Variants in CDH7 observed in about 807,000 individuals in gnomAD.
CDH7 encodes cadherin-7.
In CDH7, 25 loss-of-function variants were observed where a neutral mutation model predicts 71.8. The observed-to-expected ratio is 0.35, with a 90% CI of 0.25 to 0.49. The LOEUF (loss-of-function observed/expected upper bound fraction) is 0.49. CDH7 is among the 20% of genes least tolerant of loss of function. The pLI, the probability that CDH7 is intolerant of heterozygous loss-of-function variation, is 0.99. For synonymous variants in CDH7, 381 were observed against 363.8 expected, an observed-to-expected ratio of 1.05 and a Z score of -0.54; for missense variants, 862 against 974.6, an observed-to-expected ratio of 0.88 and a Z score of 1.54.
Position 65,887,684 on chromosome 18 carries a change from A to G in CDH7, c.*6790A>G, listed in dbSNP as rs985870658. The G allele has an allele frequency of 6.6e-6, 1 of 152,080 alleles. No individual in the cohort carries two copies. Among genetic ancestry groups the G allele is most frequent in the Non-Finnish European group, 1.5e-5 (1 of 68,030 alleles). 9.4% of individuals were successfully genotyped at this position (152,080 alleles called of 1,614,324 possible). Reference sequence around the variant, plus strand: ...GAGGCGAAATGTTGAAGTAAAGTAAATGACTTTTAAATATTTTCTTTTTAG... The same window carrying G: ...GAGGCGAAATGTTGAAGTAAAGTAAGTGACTTTTAAATATTTTCTTTTTAG... On this transcript the variant is annotated 3_prime_UTR_variant, in exon 12 of 12. Coordinates refer to ENST00000397968, the MANE Select transcript of CDH7 (RefSeq NM_004361.5).
chr18:65,836,623 A>G (rs1186571307), intron 6 of CDH7, among the ~76,000 whole-genome samples: 2 of 152,052 alleles, frequency 1.3e-5, no homozygotes, highest in African/African-American at 4.8e-5. Flanking sequence ...GTAATAATCC[A>G]TTTGCAAGCT....
chr18:65,820,182 T>G (rs1001119240), intron 4 of CDH7, among the ~76,000 whole-genome samples: 5 of 150,132 alleles, frequency 3.3e-5, no homozygotes, highest in African/African-American at 1.2e-4. Context: ...TGAAAAGTTC[T>G]GAGTTATGGT....
In CDH7 at chr18:65,777,557, A is replaced by G. The variant is rs7238986; in HGVS notation, c.210+14505A>G. ...AGAAGCATCTGGTTAAGTGGAAAGCATACTTGTATTTGCATGACAAATTCA... is the reference window on the plus strand; with the variant it reads ...AGAAGCATCTGGTTAAGTGGAAAGCGTACTTGTATTTGCATGACAAATTCA... On this transcript the variant is annotated intron_variant, in intron 2 of 11. Transcript: ENST00000397968. Among the ~76,000 whole-genome samples the G allele has an allele frequency of 8.2e-3, 1,249 of 152,136 alleles. 11 individuals carry two copies. The highest frequency in any genetic ancestry group is 0.029 in the African/African-American group (1,200 of 41,540).
intron 11 of CDH7, among the ~76,000 whole-genome samples, chr18:65,879,316 C>T (rs1914153629): frequency 1.3e-5 from 2 of 152,106 alleles, no homozygotes; most frequent in Admixed American, 1.3e-4. Flanking sequence ...CAATAATGTA[C>T]CCTAAACGAT....
At chr18:65,836,303 G>A (rs1158027598) in intron 6 of CDH7, among the ~76,000 whole-genome samples, 1 of 152,114 alleles carries the variant, frequency 6.6e-6, no homozygotes, top group Non-Finnish European at 1.5e-5. Flanking sequence ...CCAGACAGGA[G>A]AACAGAAGAG....
intron 2 of CDH7, among the ~76,000 whole-genome samples, chr18:65,800,103 G>C (rs887009928): frequency 6.6e-6 from 1 of 152,004 alleles, no homozygotes; most frequent in East Asian, 1.9e-4. Context: ...TTTTTGAGAC[G>C]AAGTCTTATT....
At chr18:65,768,596 C>G (rs539389945) in intron 2 of CDH7, among the ~76,000 whole-genome samples, 2 of 152,238 alleles carry the variant, frequency 1.3e-5, no homozygotes, top group East Asian at 3.9e-4. Context: ...TTTTTCTCTA[C>G]AAAGTGCGCT....
intron 11 of CDH7, among the ~76,000 whole-genome samples, chr18:65,873,487 A>G (rs1456366391): frequency 6.6e-6 from 1 of 152,232 alleles, no homozygotes; most frequent in Non-Finnish European, 1.5e-5. Context: ...TTTCAAACAC[A>G]CTATACAAAA....
At chr18:65,757,484 G>A (rs1353981082) in intron 1 of CDH7, among the ~76,000 whole-genome samples, 1 of 151,884 alleles carries the variant, frequency 6.6e-6, no homozygotes, top group Non-Finnish European at 1.5e-5. Context: ...TACTACTTGT[G>A]ATTTTCATGT....
chr18:65,862,771 G>A lies in CDH7; in HGVS notation c.1718G>A (p.Ser573Asn), dbSNP rs1199155188. The A allele has an allele frequency of 1.2e-6, 2 of 1,614,112 alleles. No homozygotes were observed. The highest frequency in any genetic ancestry group is 1.7e-6 in the Non-Finnish European group (2 of 1,180,024). ...GTGGACAGTGGATCTCCCTCACTTA[G>A]CAGCACCAACACCCTCACCATCCGC... ...FIVDSGSPSL[S>N]STNTLTIRVC... The change falls in exon 11 of 12, where the codon AGC becomes AAC. Residue 573 changes from serine (S) to asparagine (N), a missense_variant. Transcript: ENST00000397968.
At chr18:65,823,741 C>A (rs1241283124) in intron 5 of CDH7, among the ~76,000 whole-genome samples, 2 of 151,898 alleles carry the variant, frequency 1.3e-5, no homozygotes, top group Admixed American at 1.3e-4. Context: ...ATTTTCCTTT[C>A]TATATTCTTC....
chr18:65,781,898 C>CTCTCTCTT (rs1431797468), intron 2 of CDH7, among the ~76,000 whole-genome samples: 10 of 58,576 alleles, frequency 1.7e-4, no homozygotes, highest in Non-Finnish European at 2.5e-4. Flanking sequence ...CTCTCTTTCT[C>CTCTCTCTT]TCTATCTTTC....
chr18:65,766,205 T>TA (rs1189337899), intron 2 of CDH7, among the ~76,000 whole-genome samples: 4 of 152,130 alleles, frequency 2.6e-5, no homozygotes, highest in Non-Finnish European at 5.9e-5. Context: ...AATTAGTGGG[T>TA]AAAAAATTCA....
At chr18:65,877,774 T>A (rs1364657562) in intron 11 of CDH7, among the ~76,000 whole-genome samples, 1 of 152,176 alleles carries the variant, frequency 6.6e-6, no homozygotes, top group Non-Finnish European at 1.5e-5. Flanking sequence ...ATTGCTTTCA[T>A]TTTGGGGAAA....
At position 65,766,885 on chromosome 18, in the gene CDH7, T is replaced by TA. The variant is rs61611288; in HGVS notation, c.210+3870dup. On this transcript the variant is annotated intron_variant, in intron 2 of 11. Transcript: ENST00000397968. ...CTTAACGTCCTGTAACTGTCTGACGTAAAAAAAAAAAAAAAAAAAAAAAAA... is the reference window on the plus strand; with the variant it reads ...CTTAACGTCCTGTAACTGTCTGACGTAAAAAAAAAAAAAAAAAAAAAAAAAA... Among the ~76,000 whole-genome samples, 663 of 88,508 alleles carry TA rather than the reference T, an allele frequency of 7.5e-3. 123 individuals are homozygous for TA. Among genetic ancestry groups the TA allele is most frequent in the Non-Finnish European group, 0.013 (468 of 36,632 alleles). The allele number at this position is 88,508 out of a possible 152,430, so 58.1% of individuals were successfully genotyped here.
intron 2 of CDH7, among the ~76,000 whole-genome samples, chr18:65,781,838 CTT>C (rs1910231800): frequency 3.3e-5 from 3 of 92,300 alleles, no homozygotes; most frequent in African/African-American, 2.1e-4. Flanking sequence ...TTCTTTCTTT[CTT>C]TCTTTCTTTC....
intron 11 of CDH7, among the ~76,000 whole-genome samples, chr18:65,870,453 C>T (rs1295096351): frequency 6.6e-6 from 1 of 152,088 alleles, no homozygotes; most frequent in Non-Finnish European, 1.5e-5. Context: ...CTTTTTAAGA[C>T]ATAAATTATT....
intron 1 of CDH7, among the ~76,000 whole-genome samples, chr18:65,758,937 TAC>T: frequency 6.6e-6 from 1 of 152,318 alleles, no homozygotes; most frequent in South Asian, 2.1e-4. Flanking sequence ...TTTATGTTTA[TAC>T]TAGCTGCTTT....
At chr18:65,786,787 A>C (rs1402976526) in intron 2 of CDH7, among the ~76,000 whole-genome samples, 1 of 152,050 alleles carries the variant, frequency 6.6e-6, no homozygotes, top group Non-Finnish European at 1.5e-5. Flanking sequence ...GGTCTCAAAC[A>C]ATCATCCCAC....
Sources: gnomAD v4.1 joint callset for allele counts (sites outside exome capture counted in the v4.1 genomes callset) on GRCh38, gnomAD v4.1.1 for gene constraint, MANE v1.5 for transcripts, NCBI Gene and HGNC (gene_info 2026-07-23, HGNC 2026-07-21) for gene names.